Variants in MLF2 observed in about 807,000 individuals in gnomAD.
MLF2 encodes the protein myeloid leukemia factor 2.
Under a neutral mutation model 31.4 loss-of-function variants are expected in MLF2, and 12 were observed. That is an observed-to-expected ratio of 0.38 (90% CI 0.24 to 0.62). The LOEUF is 0.62. Ranked by LOEUF, MLF2 falls within the 20% of genes least tolerant of loss-of-function variation. The probability of loss-of-function intolerance (pLI) is 0.58; values close to 1 mark genes in which losing one functional copy is unlikely to be tolerated. For missense variants in MLF2, 272 were observed against 359.7 expected (o/e 0.76, Z 1.97); for synonymous variants, 109 against 118.8 (o/e 0.92, Z 0.54).
chr12:6,750,660 T>G lies in MLF2; in HGVS notation c.270+53A>C. 6.4e-7 allele frequency: 1 copy of G among 1,559,988 alleles called. No homozygotes were observed. Among genetic ancestry groups the G allele is most frequent in the Non-Finnish European group, 8.8e-7 (1 of 1,131,230 alleles). Reference sequence around the variant, plus strand: ...CTCTTGCCTTAGAGGATGCAAGGTGTTGTCAGCCATCACTGAGAGCAAGGC... The same window carrying G: ...CTCTTGCCTTAGAGGATGCAAGGTGGTGTCAGCCATCACTGAGAGCAAGGC... On this transcript the variant is annotated intron_variant, in intron 5 of 8. Transcript: ENST00000203630. This position sits in a 1 kb window ranked among gnomAD's most constrained non-coding sequence, Gnocchi z 5.3.
At position 6,749,411 on chromosome 12, in the gene MLF2, G is replaced by A. The variant is rs937952847; in HGVS notation, c.560-429C>T. Among the ~76,000 whole-genome samples, 1 of 152,232 alleles carries A rather than the reference G, an allele frequency of 6.6e-6. No individual in the cohort carries two copies. Among genetic ancestry groups the A allele is most frequent in the Non-Finnish European group, 1.5e-5 (1 of 68,046 alleles). ...CCGAGCGGAGGAGGCTCCAAGTGCGGTAAGAATATGGGACTGACAGTTGGG... is the reference window on the plus strand; with the variant it reads ...CCGAGCGGAGGAGGCTCCAAGTGCGATAAGAATATGGGACTGACAGTTGGG... On this transcript the variant is annotated intron_variant, in intron 7 of 8. Transcript: ENST00000203630. This position sits in a 1 kb window ranked among gnomAD's most constrained non-coding sequence, Gnocchi z 5.3.
In MLF2 at chr12:6,749,925, G is replaced by C; in HGVS notation, c.482C>G (p.Ala161Gly). ...MSIGHHIRDR[A>G]HILQRSRNHR... ...GTTTCGGGAGCGCTGGAGGATGTGA[G>C]CCCTGTCCCGGATGTGATGCCCAAT... Residue 161 changes from alanine (A) to glycine (G), a missense_variant, in exon 7 of 9, where the codon GCT becomes GGT. Physicochemically the swap from Ala to Gly is moderately conservative, Grantham distance 60. Coordinates refer to ENST00000203630, the MANE Select transcript of MLF2 (RefSeq NM_001382226.1). This position sits in a 1 kb window ranked among gnomAD's most constrained non-coding sequence, Gnocchi z 5.3. 6.2e-7 allele frequency: 1 copy of C among 1,614,208 alleles called. No individual in the cohort carries two copies. The highest frequency in any genetic ancestry group is 8.5e-7 in the Non-Finnish European group (1 of 1,180,036).
Position 6,750,300 on chromosome 12 carries a change from G to T in MLF2, c.276C>A (p.His92Gln). The T allele has an allele frequency of 6.2e-7, 1 of 1,614,080 alleles. No individual in the cohort carries two copies. Among genetic ancestry groups the T allele is most frequent in the Non-Finnish European group, 8.5e-7 (1 of 1,179,972 alleles). Residue 92 changes from histidine to glutamine, a missense_variant, in exon 6 of 9, where the codon CAC becomes CAA. Coordinates refer to ENST00000203630, the MANE Select transcript of MLF2 (RefSeq NM_001382226.1). This position sits in a 1 kb window ranked among gnomAD's most constrained non-coding sequence, Gnocchi z 5.3. ...MMNDMIGNME[H>Q]MTAGGNCQTF... ...TCTGGCAATTGCCTCCAGCTGTCAT[G>T]TGTTCCTGAGGACAGGGTAGGTAGG...
Position 6,750,523 on chromosome 12 carries a change from G to C in MLF2, c.270+190C>G, listed in dbSNP as rs780576977. On this transcript the variant is annotated intron_variant, in intron 5 of 8. Transcript: ENST00000203630. The surrounding 1 kb of genome is among the most constrained non-coding windows in gnomAD (Gnocchi z 5.3). ...AGGGCCTTAATTGTATGCTACGTAAGAGAGCTGCTGCCGGCTGCTTCAGGC... is the reference window on the plus strand; with the variant it reads ...AGGGCCTTAATTGTATGCTACGTAACAGAGCTGCTGCCGGCTGCTTCAGGC... 39 of 886,654 alleles carry C rather than the reference G, an allele frequency of 4.4e-5. No individual in the cohort carries two copies. Among genetic ancestry groups the C allele is most frequent in the Non-Finnish European group, 5.0e-5 (29 of 579,068 alleles). The allele number at this position is 886,654 out of a possible 1,614,324, so 54.9% of individuals were successfully genotyped here. A position where few individuals can be genotyped will look rare whatever the true frequency, so the allele number is the denominator to read the frequency against.
rs757781941 is a variant in MLF2, at chr12:6,753,135, C to G, written c.-225G>C. On this transcript the variant is annotated 5_prime_UTR_variant, in exon 1 of 9. Transcript: ENST00000203630. ...AGCCCGAACCTCGGCCAGGCCCGGG[C>G]GGAAGTGACGTCACGATAGACCCGC... is the stretch of plus-strand genomic sequence containing the variant. 2.5e-6 allele frequency: 1 copy of G among 394,652 alleles called. No homozygotes were observed. The highest frequency in any genetic ancestry group is 3.6e-5 in the East Asian group (1 of 27,884). 24.4% of individuals were successfully genotyped at this position (394,652 alleles called of 1,614,324 possible). A position where few individuals can be genotyped will look rare whatever the true frequency, so the allele number is the denominator to read the frequency against.
At position 6,749,048 on chromosome 12, in the gene MLF2, G is replaced by C; in HGVS notation, c.560-66C>G. ...GGCTCCTGGAGGCCGATGTGCGAGC[G>C]AGCCACAGCTTTTCGGGCCAAAGCG... On this transcript the variant is annotated intron_variant, in intron 7 of 8. Coordinates refer to ENST00000203630, the MANE Select transcript of MLF2 (RefSeq NM_001382226.1). The surrounding 1 kb of genome is among the most constrained non-coding windows in gnomAD (Gnocchi z 5.3). 2.1e-6 allele frequency: 3 copies of C among 1,452,256 alleles called. No individual in the cohort carries two copies. Among genetic ancestry groups the C allele is most frequent in the South Asian group, 1.4e-5 (1 of 70,316 alleles). 90.0% of individuals were successfully genotyped at this position (1,452,256 alleles called of 1,614,324 possible).
At position 6,749,905 on chromosome 12, in the gene MLF2, G is replaced by A. The variant is rs776144384; in HGVS notation, c.502C>T (p.Arg168Ter). ...RDRAHILQRS[R>*]NHRTGDQEER... is the part of the protein sequence containing the mutation. ...TCCTGGTCCCCCGTGCGATGGTTTCGGGAGCGCTGGAGGATGTGAGCCCTG... is the reference window on the plus strand; with the variant it reads ...TCCTGGTCCCCCGTGCGATGGTTTCAGGAGCGCTGGAGGATGTGAGCCCTG... The change falls in exon 7 of 9, where the codon CGA becomes TGA. Residue 168 changes from arginine to a stop codon, truncating the protein, a stop_gained. Transcript: ENST00000203630. LOFTEE classifies it high-confidence loss of function. The surrounding 1 kb of genome is among the most constrained non-coding windows in gnomAD (Gnocchi z 5.3). 2 of 1,613,990 alleles carry A rather than the reference G, an allele frequency of 1.2e-6. No individual in the cohort carries two copies. Among genetic ancestry groups the A allele is most frequent in the Non-Finnish European group, 8.5e-7 (1 of 1,180,026 alleles).
chr12:6,753,135 C>A lies in MLF2; in HGVS notation c.-225G>T, dbSNP rs757781941. 7 of 394,532 alleles carry A rather than the reference C, an allele frequency of 1.8e-5. No individual in the cohort carries two copies. Among genetic ancestry groups the A allele is most frequent in the Middle Eastern group, 6.3e-4 (1 of 1,598 alleles). The allele number at this position is 394,532 out of a possible 1,614,324, so 24.4% of individuals were successfully genotyped here. A position where few individuals can be genotyped will look rare whatever the true frequency, so the allele number is the denominator to read the frequency against. On this transcript the variant is annotated 5_prime_UTR_variant, in exon 1 of 9. Coordinates refer to ENST00000203630, the MANE Select transcript of MLF2 (RefSeq NM_001382226.1). The stretch of plus-strand genomic sequence containing the variant: ...AGCCCGAACCTCGGCCAGGCCCGGG[C>A]GGAAGTGACGTCACGATAGACCCGC...
In MLF2 at chr12:6,749,742, A is replaced by T. The variant is rs1410660655; in HGVS notation, c.559+106T>A. 3 of 1,414,822 alleles carry T rather than the reference A, an allele frequency of 2.1e-6. No homozygotes were observed. In the Admixed American group the frequency reaches 6.4e-5, roughly 30 times the overall value. 87.6% of individuals were successfully genotyped at this position (1,414,822 alleles called of 1,614,324 possible). A position where few individuals can be genotyped will look rare whatever the true frequency, so the allele number is the denominator to read the frequency against. Reference sequence around the variant, plus strand: ...CCATCTCAAAAAAAAAAAAAAAGGAATATGGGGCTGACCCAGAGCTTTGCC... The same window carrying T: ...CCATCTCAAAAAAAAAAAAAAAGGATTATGGGGCTGACCCAGAGCTTTGCC... On this transcript the variant is annotated intron_variant, in intron 7 of 8. Coordinates refer to ENST00000203630, the MANE Select transcript of MLF2 (RefSeq NM_001382226.1). The surrounding 1 kb of genome is among the most constrained non-coding windows in gnomAD (Gnocchi z 5.3).
intron 3 of MLF2, 53 bp from the exon 4 acceptor site, chr12:6,751,729 A>G (rs1277612762): frequency 4.4e-6 from 7 of 1,607,842 alleles, no homozygotes; most frequent in Admixed American, 1.7e-5. Context: ...ATCTCTTTAC[A>G]ATCCCAAACC....
In MLF2 at chr12:6,752,444, G is replaced by T; in HGVS notation, c.-28-82C>A. The T allele has an allele frequency of 1.7e-6, 2 of 1,160,182 alleles. No individual in the cohort carries two copies. The highest frequency in any genetic ancestry group is 2.5e-6 in the Non-Finnish European group (2 of 809,896). The allele number at this position is 1,160,182 out of a possible 1,614,324, so 71.9% of individuals were successfully genotyped here. ...TCAGTGTGGGGACTCTCAGAGCACT[G>T]TCCTTTCCAAATCCTGTAACTGACC... On this transcript the variant is annotated intron_variant, in intron 1 of 8. Transcript: ENST00000203630. This position sits in a 1 kb window ranked among gnomAD's most constrained non-coding sequence, Gnocchi z 4.6.
Position 6,752,811 on chromosome 12 carries a change from C to T in MLF2, c.-29+128G>A, listed in dbSNP as rs1013099485. ...TCTGCGACTCCTCTAGCTCCCGCCT[C>T]CCCGCCAGGCGAGCAGGAGAGGTAG... On this transcript the variant is annotated intron_variant, in intron 1 of 8. Coordinates refer to ENST00000203630, the MANE Select transcript of MLF2 (RefSeq NM_001382226.1). The surrounding 1 kb of genome is among the most constrained non-coding windows in gnomAD (Gnocchi z 4.6). The T allele has an allele frequency of 3.0e-5, 5 of 167,104 alleles. No individual in the cohort carries two copies. Among genetic ancestry groups the T allele is most frequent in the African/African-American group, 9.5e-5 (4 of 41,918 alleles). The allele number at this position is 167,104 out of a possible 1,614,324, so 10.4% of individuals were successfully genotyped here.
rs1396925765 is a variant in MLF2 at position 6,750,090 on chromosome 12, C to T, written c.400-83G>A. ...CATCTCAGGATAAACACACCACACACAACCCAATCCGGAAAAAAGCAGCCA... is the reference window on the plus strand; with the variant it reads ...CATCTCAGGATAAACACACCACACATAACCCAATCCGGAAAAAAGCAGCCA... On this transcript the variant is annotated intron_variant, in intron 6 of 8. Coordinates refer to ENST00000203630, the MANE Select transcript of MLF2 (RefSeq NM_001382226.1). This position sits in a 1 kb window ranked among gnomAD's most constrained non-coding sequence, Gnocchi z 5.3. 3 of 1,611,544 alleles carry T rather than the reference C, an allele frequency of 1.9e-6. No individual in the cohort carries two copies. The Admixed American group carries it at 5.0e-5, about 27-fold the overall frequency.
rs1367672069 is a variant in MLF2 at position 6,750,275 on chromosome 12, T to C, written c.301A>G (p.Thr101Ala). 2 of 1,614,006 alleles carry C rather than the reference T, an allele frequency of 1.2e-6. No individual in the cohort carries two copies. Among genetic ancestry groups the C allele is most frequent in the Non-Finnish European group, 8.5e-7 (1 of 1,180,020 alleles). Residue 101 changes from threonine (T) to alanine (A), a missense_variant, in exon 6 of 9, where the codon ACC (threonine) becomes GCC (alanine). Physicochemically the swap from Thr to Ala is moderately conservative, Grantham distance 58. Transcript: ENST00000203630. The surrounding 1 kb of genome is among the most constrained non-coding windows in gnomAD (Gnocchi z 5.3). ...GAGATGACAGTGGAAGATGAGAAGG[T>C]CTGGCAATTGCCTCCAGCTGTCATG... is the stretch of plus-strand genomic sequence containing the variant. ...EHMTAGGNCQ[T>A]FSSSTVISYS...
intron 3 of MLF2, 72 bp downstream of exon 3, chr12:6,751,853 A>G: frequency 6.3e-7 from 1 of 1,599,300 alleles, no homozygotes; most frequent in Non-Finnish European, 8.6e-7. Flanking sequence ...GCTGTAGTGC[A>G]AGAAAATTAA....
rs2137783410 is a variant in MLF2 at position 6,751,918 on chromosome 12, T to C, written c.180+7A>G. ...TTTGGGTCTCAGGTGTGTCTCAGCA[T>C]CATTACCTGCTGCATCCGGCGGCTG... On this transcript the variant is annotated splice_region_variant and intron_variant, in intron 3 of 8. Coordinates refer to ENST00000203630, the MANE Select transcript of MLF2 (RefSeq NM_001382226.1). 1.2e-6 allele frequency: 2 copies of C among 1,614,104 alleles called. No individual in the cohort carries two copies. The highest frequency in any genetic ancestry group is 1.7e-6 in the Non-Finnish European group (2 of 1,179,978).
At position 6,748,416 on chromosome 12, in the gene MLF2, T is replaced by C. The variant is rs1941557909; in HGVS notation, c.*157A>G. ...AGGAAAAGGTAGGGAAAGGGTGCCGTGAAAGGTTCTCCCTGAGACCCCCAG... is the reference window on the plus strand; with the variant it reads ...AGGAAAAGGTAGGGAAAGGGTGCCGCGAAAGGTTCTCCCTGAGACCCCCAG... On this transcript the variant is annotated 3_prime_UTR_variant, in exon 9 of 9. Transcript: ENST00000203630. The surrounding 1 kb of genome is among the most constrained non-coding windows in gnomAD (Gnocchi z 4.6). 1.1e-5 allele frequency: 2 copies of C among 174,306 alleles called. No individual in the cohort carries two copies. Among genetic ancestry groups the C allele is most frequent in the Non-Finnish European group, 2.4e-5 (2 of 83,358 alleles). The allele number at this position is 174,306 out of a possible 1,614,324, so 10.8% of individuals were successfully genotyped here.
chr12:6,752,339 A>T lies in MLF2; in HGVS notation c.-5T>A. 6.4e-7 allele frequency: 1 copy of T among 1,558,940 alleles called. No homozygotes were observed. Among genetic ancestry groups the T allele is most frequent in the Non-Finnish European group, 8.7e-7 (1 of 1,150,656 alleles). On this transcript the variant is annotated 5_prime_UTR_variant, in exon 2 of 9. Coordinates refer to ENST00000203630, the MANE Select transcript of MLF2 (RefSeq NM_001382226.1). This position sits in a 1 kb window ranked among gnomAD's most constrained non-coding sequence, Gnocchi z 4.6. ...GTCCCTCATGAAGCGGAACATCCTG[A>T]TCTCAGCTCCAGGGGGCTCCACACT...
At position 6,749,722 on chromosome 12, in the gene MLF2, T is replaced by C. The variant is rs553235231; in HGVS notation, c.559+126A>G. 6.1e-5 allele frequency: 63 copies of C among 1,040,312 alleles called. No homozygotes were observed. In the East Asian group the frequency reaches 1.7e-3, roughly 28 times the overall value. The allele number at this position is 1,040,312 out of a possible 1,614,324, so 64.4% of individuals were successfully genotyped here. On this transcript the variant is annotated intron_variant, in intron 7 of 8. Transcript: ENST00000203630. This position sits in a 1 kb window ranked among gnomAD's most constrained non-coding sequence, Gnocchi z 5.3. Reference sequence around the variant, plus strand: ...TGGGCAACAAGAGCGAGACTCCATCTCAAAAAAAAAAAAAAAGGAATATGG... The same window carrying C: ...TGGGCAACAAGAGCGAGACTCCATCCCAAAAAAAAAAAAAAAGGAATATGG...
Sources: allele counts gnomAD v4.1 joint callset (sites outside exome capture counted in the v4.1 genomes callset), GRCh38; gene constraint gnomAD v4.1.1; non-coding constraint Gnocchi (gnomAD v3.1); transcripts MANE v1.5; gene names NCBI Gene and HGNC (gene_info 2026-07-23, HGNC 2026-07-21).